ANO1: variants seen among roughly 807,000 people sequenced by gnomAD.
ANO1 encodes anoctamin 1.
In ANO1, 59 loss-of-function variants were observed where a neutral mutation model predicts 124.0. That is an observed-to-expected ratio of 0.48 (90% CI 0.39 to 0.59). ANO1 has a LOEUF of 0.59. Among genes scored for constraint, ANO1 ranks in the 20% least tolerant of loss-of-function variants. ANO1 has a pLI of 0.00. For missense variants in ANO1, 1,059 were observed against 1,328.0 expected, an observed-to-expected ratio of 0.80 and a Z score of 3.15; for synonymous variants, 529 against 532.0, an observed-to-expected ratio of 0.99 and a Z score of 0.08.
intron 5 of ANO1, among the ~76,000 whole-genome samples, chr11:70,107,685 C>T (rs2045613503): frequency 6.6e-6 from 1 of 152,198 alleles, no homozygotes; most frequent in Non-Finnish European, 1.5e-5. Flanking sequence ...CAAAATCACA[C>T]AGCTGCAAAT....
chr11:70,179,897 A>T, intron 22 of ANO1, 107 bp from the exon 23 acceptor site: 1 of 1,029,812 alleles, frequency 9.7e-7, no homozygotes, highest in Non-Finnish European at 1.5e-6. Flanking sequence ...GACTGCTGTG[A>T]GAAAGCCTGG....
At chr11:70,037,033 C>T (rs1054727592) in intron 1 of ANO1, among the ~76,000 whole-genome samples, 70 of 152,184 alleles carry the variant, frequency 4.6e-4, no homozygotes, top group African/African-American at 1.6e-3. Flanking sequence ...ATGTGTGCAA[C>T]GAACAAATGA....
At chr11:70,150,268 G>A (rs2047553035) in intron 12 of ANO1, among the ~76,000 whole-genome samples, 1 of 152,184 alleles carries the variant, frequency 6.6e-6, no homozygotes. Flanking sequence ...TGACAAGAGG[G>A]AACGGATCCT....
intron 6 of ANO1, among the ~76,000 whole-genome samples, chr11:70,109,334 C>G (rs992936943): frequency 8.5e-5 from 13 of 152,098 alleles, no homozygotes; most frequent in African/African-American, 3.1e-4. Context: ...GAGGTCAGGC[C>G]CGGGAGACAG....
At chr11:70,012,172 A>G (rs1856608608) in intron 1 of ANO1, among the ~76,000 whole-genome samples, 1 of 151,956 alleles carries the variant, frequency 6.6e-6, no homozygotes, top group Non-Finnish European at 1.5e-5. Flanking sequence ...TGTTCCATCT[A>G]TCTATCCATC....
At chr11:70,111,380 G>A (rs1249479871) in intron 6 of ANO1, among the ~76,000 whole-genome samples, 1 of 152,186 alleles carries the variant, frequency 6.6e-6, no homozygotes, top group Non-Finnish European at 1.5e-5. Context: ...CCGGTGAATC[G>A]GAGGCTTGGG....
At chr11:70,006,309 C>T (rs4980722) in intron 1 of ANO1, among the ~76,000 whole-genome samples, 73,906 of 151,988 alleles carry the variant, frequency 0.49, 19,254 homozygotes, top group East Asian at 0.89. Flanking sequence ...CCCCTCCCAT[C>T]ATGACATTTT....
intron 1 of ANO1, among the ~76,000 whole-genome samples, chr11:70,021,845 C>T (rs1380231180): frequency 1.3e-5 from 2 of 152,202 alleles, no homozygotes; most frequent in Admixed American, 6.5e-5. Context: ...GTGACATTCA[C>T]AGGCAGGAGC....
chr11:70,162,723 C>T (rs1032765772), intron 18 of ANO1, among the ~76,000 whole-genome samples: 4 of 152,176 alleles, frequency 2.6e-5, no homozygotes, highest in Non-Finnish European at 5.9e-5. Context: ...GGCCCAGGGT[C>T]CCAGGGCCCC....
intron 1 of ANO1, among the ~76,000 whole-genome samples, chr11:70,036,457 T>C (rs1555004417): frequency 1.3e-5 from 2 of 152,004 alleles, no homozygotes; most frequent in African/African-American, 4.8e-5. Flanking sequence ...ATAGGCTCAG[T>C]TTTCTGGGGT....
intron 15 of ANO1, 133 bp downstream of exon 15, chr11:70,156,121 C>G: frequency 1.0e-6 from 1 of 980,266 alleles, no homozygotes; most frequent in Non-Finnish European, 1.4e-6. Flanking sequence ...TGTCTTCCTT[C>G]GGCACCCAGT....
chr11:70,081,889 C>T (rs991401073), intron 1 of ANO1, among the ~76,000 whole-genome samples: 2 of 152,176 alleles, frequency 1.3e-5, no homozygotes, highest in African/African-American at 2.4e-5. Context: ...CCCATGTGGC[C>T]TCAGGGAAGT....
intron 1 of ANO1, among the ~76,000 whole-genome samples, chr11:70,011,788 C>T (rs781953927): frequency 3.9e-5 from 6 of 152,164 alleles, no homozygotes; most frequent in African/African-American, 2.4e-5. Context: ...GCAGCATCCA[C>T]GCACCTCAAA....
At chr11:70,178,566 CT>C (rs35759051) in intron 22 of ANO1, among the ~76,000 whole-genome samples, 127,918 of 141,328 alleles carry the variant, frequency 0.91, 58,042 homozygotes, top group East Asian at 0.96. Flanking sequence ...GGGTATTTCT[CT>C]TTTTTTTTTT....
intron 2 of ANO1, among the ~76,000 whole-genome samples, chr11:70,092,720 ACATGAG>A (rs1481622484): frequency 1.3e-5 from 2 of 152,130 alleles, no homozygotes; most frequent in African/African-American, 4.8e-5. Flanking sequence ...CCCAGTATCC[ACATGAG>A]CCCCTGGAGC....
intron 1 of ANO1, among the ~76,000 whole-genome samples, chr11:69,990,313 G>A (rs534398555): frequency 6.6e-6 from 1 of 152,190 alleles, no homozygotes; most frequent in Non-Finnish European, 1.5e-5. Flanking sequence ...CCGTGTTGTA[G>A]CATATATCAG....
At chr11:70,033,110 A>G (rs1334377555) in intron 1 of ANO1, among the ~76,000 whole-genome samples, 1 of 152,082 alleles carries the variant, frequency 6.6e-6, no homozygotes, top group Non-Finnish European at 1.5e-5. Context: ...GGGAAAGACA[A>G]GAGCTCGGTG....
chr11:70,032,538 G>C (rs1367638584), intron 1 of ANO1, among the ~76,000 whole-genome samples: 2 of 149,970 alleles, frequency 1.3e-5, no homozygotes, highest in Non-Finnish European at 2.9e-5. Flanking sequence ...GCGGGAGAGG[G>C]GGGGGGTCTC....
At chr11:69,975,163 G>C in the ANO1 span, among the ~76,000 whole-genome samples, 1 of 152,286 alleles carries the variant, frequency 6.6e-6, no homozygotes, top group African/African-American at 2.4e-5. Context: ...GCCTCTCACA[G>C]GTGCACCCGA....
Sources: gnomAD v4.1 joint callset for allele counts (sites outside exome capture counted in the v4.1 genomes callset) on GRCh38, gnomAD v4.1.1 for gene constraint, MANE v1.5 for transcripts, NCBI Gene and HGNC (gene_info 2026-07-23, HGNC 2026-07-21) for gene names.